The following RGS12 variants were observed in gnomAD, a reference collection of about 807,000 sequenced individuals.
RGS12 encodes the protein regulator of G-protein signaling 12.
In RGS12, 66 loss-of-function variants were observed where a neutral mutation model predicts 120.1. The observed-to-expected ratio is 0.55, with a 90% CI of 0.45 to 0.67. The LOEUF is 0.67. Ranked by LOEUF, RGS12 falls within the 30% of genes least tolerant of loss-of-function variation. RGS12 has a pLI of 0.00. For synonymous variants in RGS12, 827 were observed against 804.7 expected (o/e 1.03, Z -0.47); for missense variants, 1,859 against 1,957.7 (o/e 0.95, Z 0.95).
rs1335786431 is a variant in RGS12 at position 3,343,617 on chromosome 4, A to C, written c.1998+564A>C. Among the ~76,000 whole-genome samples, 3 of 151,774 alleles carry C rather than the reference A, an allele frequency of 2.0e-5. No homozygotes were observed. The East Asian group carries it at 5.8e-4, about 29-fold the overall frequency. On this transcript the variant is annotated intron_variant, in intron 3 of 17. Transcript: ENST00000336727. ...AGTGTAGACATATGATTATTAGCTT[A>C]GGTCCGCAGCTCACACGAGGGTTCC...
the RGS12 span, among the ~76,000 whole-genome samples, chr4:3,285,960 G>A: frequency 6.6e-6 from 1 of 152,234 alleles, no homozygotes; most frequent in Non-Finnish European, 1.5e-5. Flanking sequence ...CCAGATGGAG[G>A]GAGCCACGGC....
At chr4:3,431,008 A>G (rs1299660267) in intron 17 of RGS12, 53 bp downstream of exon 17, 1 of 1,587,834 alleles carries the variant, frequency 6.3e-7, no homozygotes, top group East Asian at 2.3e-5. Flanking sequence ...TGGTCTGCTC[A>G]GCTTCCAGTC....
In RGS12 at chr4:3,296,358, T is replaced by G. The variant is rs370763433; in HGVS notation, c.-102+3259T>G. 1.3e-4 allele frequency among the ~76,000 whole-genome samples: 18 copies of G among 142,220 alleles called. No individual in the cohort carries two copies. The East Asian group carries it at 2.6e-3, about 21-fold the overall frequency. 93.3% of individuals were successfully genotyped at this position (142,220 alleles called of 152,430 possible). A position where few individuals can be genotyped will look rare whatever the true frequency, so the allele number is the denominator to read the frequency against. On this transcript the variant is annotated intron_variant, in intron 1 of 17. Transcript: ENST00000336727. Reference sequence around the variant, plus strand: ...CACCATGCCCAGCTAATTTTTTCTGTTTTTTTTTTTTGGTAGAGATGGGGT... The same window carrying G: ...CACCATGCCCAGCTAATTTTTTCTGGTTTTTTTTTTTGGTAGAGATGGGGT...
intron 3 of RGS12, among the ~76,000 whole-genome samples, chr4:3,358,240 T>G (rs1715084965): frequency 6.6e-6 from 1 of 152,214 alleles, no homozygotes. Flanking sequence ...GGTTTTTTTT[T>G]GGTGGAATAG....
intron 3 of RGS12, among the ~76,000 whole-genome samples, chr4:3,360,133 T>C (rs1715417036): frequency 6.6e-6 from 1 of 152,216 alleles, no homozygotes; most frequent in Non-Finnish European, 1.5e-5. Flanking sequence ...TCATCTAGGT[T>C]ATCCAATGTA....
intron 9 of RGS12, 117 bp downstream of exon 9, chr4:3,417,658 T>C (rs773849724): frequency 9.0e-7 from 1 of 1,115,918 alleles, no homozygotes; most frequent in East Asian, 2.5e-5. Context: ...GAGGCCCTGT[T>C]GGCGGGTCGA....
At chr4:3,407,008 T>A (rs1721203794) in intron 4 of RGS12, among the ~76,000 whole-genome samples, 1 of 152,258 alleles carries the variant, frequency 6.6e-6, no homozygotes, top group African/African-American at 2.4e-5. Flanking sequence ...GGTTTTATAT[T>A]TATGGGACTA....
At chr4:3,285,921 C>A in the RGS12 span, among the ~76,000 whole-genome samples, 2 of 152,206 alleles carry the variant, frequency 1.3e-5, no homozygotes, top group Non-Finnish European at 2.9e-5. Context: ...TCAGCTTCGC[C>A]GTGAGGAAAA....
At chr4:3,426,438 C>T (rs1490687994) in intron 14 of RGS12, among the ~76,000 whole-genome samples, 2 of 151,984 alleles carry the variant, frequency 1.3e-5, no homozygotes, top group Non-Finnish European at 2.9e-5. Context: ...ATCTGGCGCC[C>T]TTCCCTCCAG....
At chr4:3,323,615 C>T (rs964640101) in intron 2 of RGS12, among the ~76,000 whole-genome samples, 1 of 152,130 alleles carries the variant, frequency 6.6e-6, no homozygotes, top group Admixed American at 6.5e-5. Context: ...TGTCATATGC[C>T]TGTGCCATTT....
At chr4:3,424,391 C>T (rs1036075145) in intron 13 of RGS12, among the ~76,000 whole-genome samples, 7 of 152,238 alleles carry the variant, frequency 4.6e-5, no homozygotes, top group African/African-American at 1.7e-4. Context: ...TTTACAGACA[C>T]CACCTCCGAG....
At chr4:3,346,252 TA>T (rs1470994384) in intron 3 of RGS12, among the ~76,000 whole-genome samples, 1 of 152,184 alleles carries the variant, frequency 6.6e-6, no homozygotes, top group Non-Finnish European at 1.5e-5. Flanking sequence ...AGTCACCCAC[TA>T]GGGGGACTCA....
At position 3,389,173 on chromosome 4, in the gene RGS12, C is replaced by T. The variant is rs12649466; in HGVS notation, c.2020+2736C>T. On this transcript the variant is annotated intron_variant, in intron 4 of 17. Coordinates refer to ENST00000336727, the MANE Select transcript of RGS12 (RefSeq NM_001394154.1). The surrounding 1 kb of genome is among the most constrained non-coding windows in gnomAD (Gnocchi z 5.2). ...AGGAAGTTGGACTATGCTATTTTGG[C>T]AATCTTTGTCAAGTTGGAGTGTGTT... Among the ~76,000 whole-genome samples, 1 of 151,880 alleles carries T rather than the reference C, an allele frequency of 6.6e-6. No individual in the cohort carries two copies.
intron 2 of RGS12, among the ~76,000 whole-genome samples, chr4:3,337,553 A>G (rs1712611906): frequency 6.6e-6 from 1 of 152,202 alleles, no homozygotes; most frequent in Non-Finnish European, 1.5e-5. Flanking sequence ...GAAGGCTACA[A>G]CATGGATGAC....
upstream of RGS12, among the ~76,000 whole-genome samples, chr4:3,288,939 G>C (rs1395444937): frequency 6.6e-6 from 1 of 152,086 alleles, no homozygotes; most frequent in African/African-American, 2.4e-5. The surrounding 1 kb of genome is among the most constrained non-coding windows in gnomAD (Gnocchi z 5.2). Context: ...AGCCCCTAGA[G>C]TGGGCTGACT....
chr4:3,416,710 G>A (rs1056575799), intron 7 of RGS12, among the ~76,000 whole-genome samples: 12 of 152,150 alleles, frequency 7.9e-5, no homozygotes, highest in African/African-American at 2.7e-4. Flanking sequence ...AGGCTGGTTC[G>A]TTATGAGAAA....
At chr4:3,410,995 G>T (rs1466483794) in intron 4 of RGS12, among the ~76,000 whole-genome samples, 1 of 152,228 alleles carries the variant, frequency 6.6e-6, no homozygotes, top group African/African-American at 2.4e-5. Flanking sequence ...TTGCGCCTCT[G>T]TGCCGTGCAC....
At chr4:3,367,280 G>A (rs908909107) in intron 3 of RGS12, among the ~76,000 whole-genome samples, 2 of 152,268 alleles carry the variant, frequency 1.3e-5, no homozygotes, top group South Asian at 2.1e-4. Context: ...GTGGGCCTGC[G>A]TTGGAGGGCT....
At chr4:3,430,382 G>T in intron 16 of RGS12, 25 bp from the exon 17 acceptor site, 1 of 1,587,380 alleles carries the variant, frequency 6.3e-7, no homozygotes, top group Non-Finnish European at 8.6e-7. Flanking sequence ...CTAAAACACG[G>T]TCACTCTGGG....
Sources: allele counts gnomAD v4.1 joint callset (sites outside exome capture counted in the v4.1 genomes callset), GRCh38; gene constraint gnomAD v4.1.1; non-coding constraint Gnocchi (gnomAD v3.1); transcripts MANE v1.5; gene names NCBI Gene and HGNC (gene_info 2026-07-23, HGNC 2026-07-21).